BCL2: variants seen among roughly 807,000 people sequenced by gnomAD.
The protein encoded by BCL2 is BCL2 apoptosis regulator.
BCL2 carries 1 observed loss-of-function variant against 14.2 expected under a neutral mutation model. That is an observed-to-expected ratio of 0.07 (90% CI 0.02 to 0.33). The LOEUF is 0.33. Ranked by LOEUF, BCL2 falls within the 10% of genes least tolerant of loss-of-function variation. The pLI is 0.99. For missense variants in BCL2, 247 were observed against 305.9 expected (o/e 0.81, Z 1.44); for synonymous variants, 151 against 137.2 (o/e 1.10, Z -0.70).
intron 2 of BCL2, among the ~76,000 whole-genome samples, chr18:63,214,362 G>A (rs1015736590): frequency 3.9e-5 from 6 of 152,206 alleles, no homozygotes; most frequent in African/African-American, 1.2e-4. Context: ...GGCCTGGAAG[G>A]CCTAACCCTT....
chr18:63,277,986 C>A (rs1280504624), intron 2 of BCL2, among the ~76,000 whole-genome samples: 1 of 152,160 alleles, frequency 6.6e-6, no homozygotes, highest in African/African-American at 2.4e-5. Context: ...TGTCCCTCAA[C>A]CCAACTTCTG....
At chr18:63,155,306 C>G (rs1914748566) in intron 2 of BCL2, among the ~76,000 whole-genome samples, 1 of 152,198 alleles carries the variant, frequency 6.6e-6, no homozygotes, top group South Asian at 2.1e-4. Context: ...CCTCCAGGGA[C>G]AGTCAACTTG....
chr18:63,246,999 A>T (rs1281685941), intron 2 of BCL2, among the ~76,000 whole-genome samples: 2 of 152,172 alleles, frequency 1.3e-5, no homozygotes, highest in East Asian at 3.9e-4. Flanking sequence ...AAACAAGACA[A>T]ATTTGAGTGA....
intron 2 of BCL2, among the ~76,000 whole-genome samples, chr18:63,304,155 A>G (rs531226891): frequency 6.6e-6 from 1 of 152,184 alleles, no homozygotes; most frequent in Non-Finnish European, 1.5e-5. Context: ...CCCTTATGTT[A>G]TATTGTTAAT....
chr18:63,196,688 A>C (rs945801017), intron 2 of BCL2, among the ~76,000 whole-genome samples: 3 of 152,220 alleles, frequency 2.0e-5, no homozygotes, highest in Admixed American at 1.3e-4. Flanking sequence ...GCCCTTTATC[A>C]TACGGGATAA....
chr18:63,191,471 A>G (rs1909290472), intron 2 of BCL2, among the ~76,000 whole-genome samples: 1 of 152,262 alleles, frequency 6.6e-6, no homozygotes, highest in Non-Finnish European at 1.5e-5. Context: ...CTGAGGCAGA[A>G]AAAACTTTGT....
rs960777303 is a variant in BCL2 at position 63,319,723 on chromosome 18, G to A, written c.-836C>T. 7 of 210,842 alleles carry A rather than the reference G, an allele frequency of 3.3e-5. No individual in the cohort carries two copies. The highest frequency in any genetic ancestry group is 2.4e-4 in the Admixed American group (4 of 16,978). The allele number at this position is 210,842 out of a possible 1,614,324, so 13.1% of individuals were successfully genotyped here. On this transcript the variant is annotated 5_prime_UTR_variant, in exon 1 of 3. Coordinates refer to ENST00000333681, the MANE Select transcript of BCL2 (RefSeq NM_000633.3). Reference sequence around the variant, plus strand: ...GAAGGCAGGACGCGCCTGGCCCGCCGGTGCCGAGCGCTAGAAGCCCGCGCT... The same window carrying A: ...GAAGGCAGGACGCGCCTGGCCCGCCAGTGCCGAGCGCTAGAAGCCCGCGCT...
chr18:63,215,796 G>T (rs1473746440), intron 2 of BCL2, among the ~76,000 whole-genome samples: 3 of 152,092 alleles, frequency 2.0e-5, no homozygotes, highest in Admixed American at 2.0e-4. Context: ...AATATCAATG[G>T]CTTTTATTTC....
intron 2 of BCL2, among the ~76,000 whole-genome samples, chr18:63,150,203 C>T (rs191240292): frequency 1.3e-5 from 2 of 152,340 alleles, no homozygotes; most frequent in East Asian, 3.9e-4. Context: ...CTTTTAGGTA[C>T]AGAAAGAGAA....
chr18:63,145,399 T>TG (rs201148141), intron 2 of BCL2, among the ~76,000 whole-genome samples: 3 of 121,948 alleles, frequency 2.5e-5, no homozygotes, highest in African/African-American at 1.3e-4. Flanking sequence ...ATCCAGGGGG[T>TG]GGGGGGGCTT....
intron 2 of BCL2, among the ~76,000 whole-genome samples, chr18:63,270,977 C>A (rs969262308): frequency 6.6e-6 from 1 of 152,238 alleles, no homozygotes; most frequent in Non-Finnish European, 1.5e-5. Flanking sequence ...GTGGCCACCA[C>A]ACCTGGCTAA....
At chr18:63,157,639 C>T (rs554669625) in intron 2 of BCL2, among the ~76,000 whole-genome samples, 14 of 152,336 alleles carry the variant, frequency 9.2e-5, no homozygotes, top group African/African-American at 3.4e-4. Context: ...TGTGTTTATA[C>T]GCCATATGCC....
intron 2 of BCL2, among the ~76,000 whole-genome samples, chr18:63,288,089 T>C (rs1912526994): frequency 6.6e-6 from 1 of 152,230 alleles, no homozygotes. Context: ...CCAAGATTTC[T>C]TTTTTTAGTT....
At chr18:63,201,197 A>C (rs1289742758) in intron 2 of BCL2, among the ~76,000 whole-genome samples, 2 of 152,252 alleles carry the variant, frequency 1.3e-5, no homozygotes, top group African/African-American at 4.8e-5. Context: ...CTACCAAGCT[A>C]TCTGCACCTT....
intron 2 of BCL2, among the ~76,000 whole-genome samples, chr18:63,267,158 C>T (rs1166221272): frequency 2.0e-5 from 3 of 152,122 alleles, no homozygotes; most frequent in Non-Finnish European, 2.9e-5. Flanking sequence ...GAAGTGAGAG[C>T]GTGGATCAGT....
intron 2 of BCL2, among the ~76,000 whole-genome samples, chr18:63,310,011 C>T (rs181682214): frequency 3.9e-5 from 6 of 152,092 alleles, no homozygotes; most frequent in East Asian, 3.9e-4. Flanking sequence ...TACAGGCGCC[C>T]ACCACCACAC....
chr18:63,214,009 G>C (rs1910128301), intron 2 of BCL2, among the ~76,000 whole-genome samples: 1 of 152,210 alleles, frequency 6.6e-6, no homozygotes, highest in Non-Finnish European at 1.5e-5. Context: ...GCTAAGATGG[G>C]CTGATGACCT....
chr18:63,278,563 C>T (rs1912223189), intron 2 of BCL2, among the ~76,000 whole-genome samples: 1 of 152,134 alleles, frequency 6.6e-6, no homozygotes, highest in Admixed American at 6.5e-5. Context: ...GCAAGAATAC[C>T]CCTGTCTCTG....
chr18:63,198,836 G>A (rs1345549154), intron 2 of BCL2, among the ~76,000 whole-genome samples: 1 of 120,598 alleles, frequency 8.3e-6, no homozygotes, highest in African/African-American at 3.1e-5. Flanking sequence ...GACATACACA[G>A]ACACACATAG....
Sources: allele counts gnomAD v4.1 joint callset (sites outside exome capture counted in the v4.1 genomes callset), GRCh38; gene constraint gnomAD v4.1.1; transcripts MANE v1.5; gene names NCBI Gene and HGNC (gene_info 2026-07-23, HGNC 2026-07-21).